Variants in CDH13 observed in about 807,000 individuals in gnomAD.
CDH13 encodes cadherin 13, also known as cadherin-13.
CDH13 carries 24 observed loss-of-function variants against 63.8 expected under a neutral mutation model. That is an observed-to-expected ratio of 0.38 (90% CI 0.27 to 0.53). The LOEUF (loss-of-function observed/expected upper bound fraction) is 0.53, where lower values mean the gene tolerates loss of function less well. Among genes scored for constraint, CDH13 ranks in the 20% least tolerant of loss-of-function variants. The pLI is 0.85. For synonymous variants in CDH13, 503 were observed against 355.3 expected, an observed-to-expected ratio of 1.42 and a Z score of -4.67; for missense variants, 1,049 against 903.1, an observed-to-expected ratio of 1.16 and a Z score of -2.07.
chr16:83,630,731 C>T (rs722940), intron 8 of CDH13, among the ~76,000 whole-genome samples: 15,552 of 152,216 alleles, frequency 0.1, 834 homozygotes, highest in Admixed American at 0.12. Flanking sequence ...GATCAGTTTA[C>T]GTTGCCCAGG....
At chr16:83,401,066 T>A (rs7186944) in intron 6 of CDH13, among the ~76,000 whole-genome samples, 4 of 151,986 alleles carry the variant, frequency 2.6e-5, no homozygotes, top group African/African-American at 9.7e-5. Context: ...ATTGGCCAAA[T>A]GCAGTGGCTC....
In CDH13 at chr16:83,755,553, G is replaced by A. The variant is rs759042399; in HGVS notation, c.1681+7303G>A. 3.3e-4 allele frequency among the ~76,000 whole-genome samples: 50 copies of A among 152,190 alleles called. 1 individual carries two copies. The highest frequency in any genetic ancestry group is 6.8e-3 in the Middle Eastern group (2 of 294). ...TATCAAAGAGAAAATGTTAAAAATA[G>A]CCTGAGAATAAAAGAGGCATTTACC... On this transcript the variant is annotated intron_variant, in intron 11 of 13. Transcript: ENST00000567109.
At chr16:82,838,784 G>A (rs889433841) in intron 1 of CDH13, among the ~76,000 whole-genome samples, 1 of 152,202 alleles carries the variant, frequency 6.6e-6, no homozygotes, top group Non-Finnish European at 1.5e-5. Context: ...TGACAAGTGT[G>A]ATGGGTCACT....
intron 6 of CDH13, among the ~76,000 whole-genome samples, chr16:83,479,407 C>G (rs1350460294): frequency 1.3e-5 from 2 of 152,140 alleles, no homozygotes; most frequent in African/African-American, 4.8e-5. Context: ...TGGTTCACAC[C>G]TGTAATCCCA....
At chr16:83,175,791 T>C (rs560211172) in intron 4 of CDH13, among the ~76,000 whole-genome samples, 2 of 150,486 alleles carry the variant, frequency 1.3e-5, no homozygotes, top group Non-Finnish European at 3.0e-5. Flanking sequence ...AAAAATAAGA[T>C]CATAATATAC....
In CDH13 at chr16:83,098,342, T is replaced by C. The variant is rs144882336; in HGVS notation, c.367-27043T>C. Among the ~76,000 whole-genome samples the C allele has an allele frequency of 1.2e-4, 18 of 152,342 alleles. No individual in the cohort carries two copies. In the East Asian group the frequency reaches 3.5e-3, roughly 29 times the overall value. On this transcript the variant is annotated intron_variant, in intron 3 of 13. Coordinates refer to ENST00000567109, the MANE Select transcript of CDH13 (RefSeq NM_001257.5). ...CTGGTTTTTAGTTGCTCATAGGTTG[T>C]AAACTCTACATTACATTGCTATTAT...
intron 1 of CDH13, among the ~76,000 whole-genome samples, chr16:82,680,817 A>G (rs1640725477): frequency 6.6e-6 from 1 of 152,178 alleles, no homozygotes; most frequent in Admixed American, 6.5e-5. Context: ...GGCCAATGGA[A>G]CCAGGAGATA....
chr16:83,036,322 G>A lies in CDH13; in HGVS notation c.366+4104G>A, dbSNP rs141253340. ...CCACCACCACACCTGGCTACTTTTTGTATCTTTAGTAGAGATGGGATTTCA... is the reference window on the plus strand; with the variant it reads ...CCACCACCACACCTGGCTACTTTTTATATCTTTAGTAGAGATGGGATTTCA... On this transcript the variant is annotated intron_variant, in intron 3 of 13. Transcript: ENST00000567109. Among the ~76,000 whole-genome samples the A allele has an allele frequency of 3.0e-3, 450 of 151,880 alleles. 1 individual carries two copies. The highest frequency in any genetic ancestry group is 1.0e-2 in the African/African-American group (414 of 41,430).
intron 2 of CDH13, among the ~76,000 whole-genome samples, chr16:82,998,321 A>G (rs1468539071): frequency 6.6e-6 from 1 of 152,244 alleles, no homozygotes; most frequent in African/African-American, 2.4e-5. Context: ...ACATTTTGAC[A>G]AAAGAGAAAG....
In CDH13 at chr16:82,896,050, C is replaced by T. The variant is rs560044563; in HGVS notation, c.157+37577C>T. Among the ~76,000 whole-genome samples the T allele has an allele frequency of 7.2e-5, 11 of 152,290 alleles. No individual in the cohort carries two copies. The South Asian group carries it at 1.9e-3, about 26-fold the overall frequency. On this transcript the variant is annotated intron_variant, in intron 2 of 13. Transcript: ENST00000567109. ...CTCTTTAAGAGCTCTTCACTGCCTACTTTAAGGCATCACCCTGTTTTATGT... is the reference window on the plus strand; with the variant it reads ...CTCTTTAAGAGCTCTTCACTGCCTATTTTAAGGCATCACCCTGTTTTATGT...
intron 4 of CDH13, among the ~76,000 whole-genome samples, chr16:83,200,921 ATGTGTGTGTGTGTGTGTGTGTGTGTGTG>A: frequency 7.7e-6 from 1 of 129,752 alleles, no homozygotes; most frequent in South Asian, 2.8e-4. Flanking sequence ...AGTCTTAAAA[ATGTGTGTGTGTGTGTGTGTGTGTGTGTG>A]TGTGTGTGTG....
chr16:83,285,637 A>G (rs954420355), intron 5 of CDH13, among the ~76,000 whole-genome samples: 4 of 152,160 alleles, frequency 2.6e-5, no homozygotes, highest in African/African-American at 9.7e-5. Flanking sequence ...TATACAGTGG[A>G]TGTTGGAAGG....
intron 6 of CDH13, among the ~76,000 whole-genome samples, chr16:83,349,910 A>C (rs1053484919): frequency 9.2e-5 from 14 of 152,038 alleles, no homozygotes; most frequent in African/African-American, 3.4e-4. Context: ...CTTGAGGTGC[A>C]TTATTAAAGC....
intron 5 of CDH13, among the ~76,000 whole-genome samples, chr16:83,269,794 C>T (rs1337450810): frequency 6.6e-6 from 1 of 152,182 alleles, no homozygotes; most frequent in African/African-American, 2.4e-5. Flanking sequence ...GGACAGCTCA[C>T]TATCAAGAGG....
At chr16:83,173,851 C>T (rs899081776) in intron 4 of CDH13, among the ~76,000 whole-genome samples, 1 of 152,010 alleles carries the variant, frequency 6.6e-6, no homozygotes, top group African/African-American at 2.4e-5. Flanking sequence ...GTCCTTCATT[C>T]TGCCACCCTG....
chr16:83,701,634 G>C (rs1194432694), intron 10 of CDH13, among the ~76,000 whole-genome samples: 2 of 152,148 alleles, frequency 1.3e-5, no homozygotes, highest in Non-Finnish European at 2.9e-5. Context: ...CTCTGTGCTA[G>C]GGTTTCTACC....
chr16:83,701,374 G>A (rs1219656774), intron 10 of CDH13, among the ~76,000 whole-genome samples: 1 of 152,174 alleles, frequency 6.6e-6, no homozygotes. Context: ...ATATTTGTAT[G>A]TTTCCTTCAT....
intron 1 of CDH13, among the ~76,000 whole-genome samples, chr16:82,820,373 G>T (rs935906694): frequency 6.6e-6 from 1 of 152,176 alleles, no homozygotes; most frequent in Non-Finnish European, 1.5e-5. Context: ...ATGCTTCATG[G>T]ATATTAGCAC....
At chr16:83,074,152 A>G (rs753255407) in intron 3 of CDH13, among the ~76,000 whole-genome samples, 2 of 152,064 alleles carry the variant, frequency 1.3e-5, no homozygotes, top group Non-Finnish European at 2.9e-5. Flanking sequence ...AGACCGACAA[A>G]CATCTGCATC....
Sources: allele counts gnomAD v4.1 joint callset (sites outside exome capture counted in the v4.1 genomes callset), GRCh38; gene constraint gnomAD v4.1.1; transcripts MANE v1.5; gene names NCBI Gene and HGNC (gene_info 2026-07-23, HGNC 2026-07-21).